The following ANXA4 variants were observed in gnomAD, a reference collection of about 807,000 sequenced individuals.
ANXA4 encodes 35-beta calcimedin.
A neutral mutation model predicts 49.8 loss-of-function variants in ANXA4; 39 were observed. The ratio of observed to expected loss-of-function variants is 0.78; its 90% CI spans 0.61 to 1.02. The LOEUF is 1.02. Ranked by LOEUF, ANXA4 falls within the 50% of genes least tolerant of loss-of-function variation. ANXA4 has a pLI of 0.00. For synonymous variants in ANXA4, 134 were observed against 152.5 expected (o/e 0.88, Z 0.89); for missense variants, 360 against 410.1 (o/e 0.88, Z 1.05).
chr2:69,704,353 A>G (rs560071323), intron 2 of ANXA4, among the ~76,000 whole-genome samples: 23 of 152,300 alleles, frequency 1.5e-4, no homozygotes, highest in South Asian at 1.5e-3. Flanking sequence ...TTCTCTTATA[A>G]TTTCTGTTAG....
At chr2:69,822,973 G>A (rs1380549878) in intron 12 of ANXA4, among the ~76,000 whole-genome samples, 1 of 151,408 alleles carries the variant, frequency 6.6e-6, no homozygotes, top group Non-Finnish European at 1.5e-5. Context: ...TTAATGAAAT[G>A]TGAAAAGAAT....
intron 3 of ANXA4, among the ~76,000 whole-genome samples, chr2:69,725,971 G>T (rs1183142924): frequency 6.6e-6 from 1 of 152,098 alleles, no homozygotes; most frequent in Non-Finnish European, 1.5e-5. Context: ...GGATGCAGCT[G>T]AGAAAATTAT....
At chr2:69,781,689 G>A in intron 2 of ANXA4, 115 bp downstream of exon 2, 1 of 1,257,248 alleles carries the variant, frequency 8.0e-7, no homozygotes, top group Non-Finnish European at 1.1e-6. Flanking sequence ...AGGGGAAGGA[G>A]GAGGACATGA....
intron 9 of ANXA4, 66 bp from the exon 10 acceptor site, chr2:69,818,533 C>A: frequency 2.0e-6 from 2 of 1,021,312 alleles, no homozygotes; most frequent in Non-Finnish European, 2.9e-6. Flanking sequence ...AATGCTCATT[C>A]TCTCCATAAA....
rs1573074929 is a variant in ANXA4, at chr2:69,665,576, A to G, written n.766+12294A>G. ...TAGACAAGCAGAACATTTCCAGATA[A>G]AAGTGAGTTTTAGCCTAGACTTCTG... is the stretch of plus-strand genomic sequence containing the variant. On this transcript the variant is annotated intron_variant and non_coding_transcript_variant, in intron 2 of 3. Coordinates refer to the ANXA4 transcript ENST00000418066. Among the ~76,000 whole-genome samples, 7 of 152,176 alleles carry G rather than the reference A, an allele frequency of 4.6e-5. No homozygotes were observed. The South Asian group carries it at 1.5e-3, about 32-fold the overall frequency.
At chr2:69,719,605 A>G (rs1185182868) in intron 2 of ANXA4, among the ~76,000 whole-genome samples, 1 of 151,024 alleles carries the variant, frequency 6.6e-6, no homozygotes, top group Non-Finnish European at 1.5e-5. Context: ...ACACCTGGCT[A>G]ATTTTTATAT....
chr2:69,804,415 C>A, intron 3 of ANXA4, 118 bp from the exon 4 acceptor site: 4 of 836,048 alleles, frequency 4.8e-6, no homozygotes, highest in Non-Finnish European at 7.6e-6. Flanking sequence ...TGAATAAGGG[C>A]CTCTTTTCTT....
At chr2:69,697,103 G>T (rs7558897) in intron 2 of ANXA4, among the ~76,000 whole-genome samples, 4,491 of 152,232 alleles carry the variant, frequency 0.03, 225 homozygotes, top group African/African-American at 0.1. Context: ...GTCCTAGATG[G>T]CATCTTCTTC....
intron 1 of ANXA4, among the ~76,000 whole-genome samples, chr2:69,770,955 G>T (rs565242268): frequency 8.5e-4 from 129 of 151,390 alleles, no homozygotes; most frequent in Non-Finnish European, 1.5e-3. Flanking sequence ...TTAGCTGGGC[G>T]TGGTGGCACG....
intron 2 of ANXA4, among the ~76,000 whole-genome samples, chr2:69,716,291 T>C (rs1669616880): frequency 6.6e-6 from 1 of 152,196 alleles, no homozygotes; most frequent in African/African-American, 2.4e-5. Flanking sequence ...CTAGTTTGTG[T>C]TGGGTTTCTG....
chr2:69,702,965 T>C (rs1678378918), intron 2 of ANXA4, among the ~76,000 whole-genome samples: 1 of 152,226 alleles, frequency 6.6e-6, no homozygotes, highest in Non-Finnish European at 1.5e-5. Flanking sequence ...CCATGTTTTC[T>C]TCTAGCATTT....
At chr2:69,695,097 T>C (rs1268312292) in intron 2 of ANXA4, among the ~76,000 whole-genome samples, 4 of 152,026 alleles carry the variant, frequency 2.6e-5, no homozygotes, top group Admixed American at 2.0e-4. Flanking sequence ...AAAGCCATGA[T>C]TGCGCCACTG....
In ANXA4 at chr2:69,671,446, G is replaced by A. The variant is rs1420329083; in HGVS notation, n.766+18164G>A. Among the ~76,000 whole-genome samples, 8 of 152,216 alleles carry A rather than the reference G, an allele frequency of 5.3e-5. 1 individual carries two copies. Among genetic ancestry groups the A allele is most frequent in the Non-Finnish European group, 2.9e-5 (2 of 68,040 alleles). ...GAATAAAAAATATGAATTGGGCATG[G>A]TGGCTCATGCCCATAATCCCAGCAC... On this transcript the variant is annotated intron_variant and non_coding_transcript_variant, in intron 2 of 3. Transcript: ENST00000418066.
At chr2:69,821,433 T>C (rs1171677478) in intron 12 of ANXA4, among the ~76,000 whole-genome samples, 2 of 152,138 alleles carry the variant, frequency 1.3e-5, no homozygotes, top group Non-Finnish European at 2.9e-5. Flanking sequence ...TGAATCCTAC[T>C]CAAAGCTTGG....
At chr2:69,723,395 A>G (rs552914503) in intron 3 of ANXA4, among the ~76,000 whole-genome samples, 1 of 152,260 alleles carries the variant, frequency 6.6e-6, no homozygotes, top group African/African-American at 2.4e-5. Context: ...AAAAAAGACA[A>G]GCTTTTTGCA....
chr2:69,766,473 C>T (rs1469391482), intron 1 of ANXA4, among the ~76,000 whole-genome samples: 1 of 152,136 alleles, frequency 6.6e-6, no homozygotes, highest in East Asian at 1.9e-4. Flanking sequence ...GCCCAAATCA[C>T]CCAGTTAGAA....
chr2:69,814,342 C>CTTTTTTT (rs781253870), intron 8 of ANXA4, among the ~76,000 whole-genome samples: 5 of 97,296 alleles, frequency 5.1e-5, no homozygotes, highest in African/African-American at 8.7e-5. Context: ...GTATTTTATT[C>CTTTTTTT]TTTTTTTTTT....
intron 2 of ANXA4, among the ~76,000 whole-genome samples, chr2:69,691,673 G>T (rs527448695): frequency 3.3e-4 from 50 of 152,148 alleles, no homozygotes; most frequent in African/African-American, 1.2e-3. Context: ...AACCCAGAGA[G>T]CTGTGGAACA....
chr2:69,789,754 G>T (rs1179511242), intron 3 of ANXA4, among the ~76,000 whole-genome samples: 1 of 152,076 alleles, frequency 6.6e-6, no homozygotes, highest in Non-Finnish European at 1.5e-5. Context: ...ATAGAGCAGA[G>T]TTTTTTTAAA....
Sources: allele counts gnomAD v4.1 joint callset (sites outside exome capture counted in the v4.1 genomes callset), GRCh38; gene constraint gnomAD v4.1.1; transcripts MANE v1.5; gene names NCBI Gene and HGNC (gene_info 2026-07-23, HGNC 2026-07-21).